Variants in HOPX observed in about 807,000 individuals in gnomAD.
HOPX encodes the protein HOP homeobox.
In HOPX, 5 loss-of-function variants were observed where a neutral mutation model predicts 11.8. The ratio of observed to expected loss-of-function variants is 0.43; its 90% CI spans 0.22 to 0.89. The LOEUF is 0.89. Ranked by LOEUF, HOPX falls within the 40% of genes least tolerant of loss-of-function variation. The pLI, the probability that HOPX is intolerant of heterozygous loss-of-function variation, is 0.28. For synonymous variants in HOPX, 49 were observed against 49.7 expected (o/e 0.99, Z 0.06); for missense variants, 119 against 120.0 (o/e 0.99, Z 0.04).
chr4:56,680,056 G>C (rs1719244950), intron 1 of HOPX: 1 of 152,124 alleles, frequency 6.6e-6, no homozygotes, highest in Non-Finnish European at 1.5e-5. Flanking sequence ...AGAAGTGCCT[G>C]CCACGTTGAA....
intron 3 of HOPX, among the ~76,000 whole-genome samples, chr4:56,655,177 TAA>T (rs1049649962): frequency 1.3e-5 from 2 of 152,184 alleles, no homozygotes; most frequent in Non-Finnish European, 2.9e-5. Context: ...TACCGTCTTA[TAA>T]AACGCCAGGA....
At position 56,661,360 on chromosome 4, in the gene HOPX, G is replaced by GAAACT. The variant is rs1718115248; in HGVS notation, c.-83-3462_-83-3461insAGTTT. Among the ~76,000 whole-genome samples the GAAACT allele has an allele frequency of 3.9e-5, 6 of 152,270 alleles. No individual in the cohort carries two copies. The South Asian group carries it at 1.0e-3, about 26-fold the overall frequency. The stretch of plus-strand genomic sequence containing the variant: ...TAGTAGATGTCTTTTCCTACTGGTG[G>GAAACT]ATATCTAGGTTGTTTCCAGATTTTT... On this transcript the variant is annotated intron_variant, in intron 1 of 3. Transcript: ENST00000420433.
At chr4:56,650,444 G>A in intron 3 of HOPX, 1 of 471,160 alleles carries the variant, frequency 2.1e-6, no homozygotes, top group South Asian at 2.8e-5. Flanking sequence ...AGCTGAAAGG[G>A]AATTCAGTAT....
intron 3 of HOPX, among the ~76,000 whole-genome samples, chr4:56,654,438 C>T (rs1717484046): frequency 6.6e-6 from 1 of 152,182 alleles, no homozygotes; most frequent in Non-Finnish European, 1.5e-5. Context: ...AAGTTGTCTC[C>T]ATGATCACTC....
At chr4:56,660,017 A>G (rs1406535764) in intron 1 of HOPX, among the ~76,000 whole-genome samples, 1 of 152,232 alleles carries the variant, frequency 6.6e-6, no homozygotes, top group Non-Finnish European at 1.5e-5. Flanking sequence ...TTCAGAAATG[A>G]AATAAAACCC....
intron 3 of HOPX, chr4:56,650,579 G>A (rs1560359591): frequency 7.7e-7 from 1 of 1,290,392 alleles, no homozygotes; most frequent in Admixed American, 2.1e-5. Flanking sequence ...CCACATCAAT[G>A]CTAAGCAGGC....
chr4:56,662,637 T>C (rs1718213310), intron 1 of HOPX: 1 of 152,124 alleles, frequency 6.6e-6, no homozygotes, highest in East Asian at 1.9e-4. Flanking sequence ...CCACCACACC[T>C]TGCTAATTTT....
At chr4:56,673,164 G>A (rs1389301649) in intron 1 of HOPX, among the ~76,000 whole-genome samples, 1 of 152,106 alleles carries the variant, frequency 6.6e-6, no homozygotes, top group Non-Finnish European at 1.5e-5. Flanking sequence ...CATTACTGCA[G>A]GAGTCAATAA....
chr4:56,668,620 G>A (rs1192305966), intron 1 of HOPX, among the ~76,000 whole-genome samples: 2 of 152,118 alleles, frequency 1.3e-5, no homozygotes, highest in Non-Finnish European at 2.9e-5. Flanking sequence ...GGCCTCAAGC[G>A]ATCCTTCCAA....
In HOPX at chr4:56,657,518, C is replaced by T. The variant is rs7664589; in HGVS notation, c.42+257G>A. Reference sequence around the variant, plus strand: ...GTCTTTACCTCTCCTTTGGGTCACTCTGAAGGGGCTTTCAGGCACAACGGG... The same window carrying T: ...GTCTTTACCTCTCCTTTGGGTCACTTTGAAGGGGCTTTCAGGCACAACGGG... On this transcript the variant is annotated intron_variant, in intron 2 of 3. Transcript: ENST00000420433. 0.52 allele frequency among the ~76,000 whole-genome samples: 79,407 copies of T among 151,974 alleles called. 21,779 individuals are homozygous for T. The highest frequency in any genetic ancestry group is 0.7 in the African/African-American group (28,893 of 41,456).
chr4:56,666,572 C>T (rs553927356), intron 1 of HOPX, among the ~76,000 whole-genome samples: 1 of 152,174 alleles, frequency 6.6e-6, no homozygotes, highest in African/African-American at 2.4e-5. Context: ...TAGCCCAATT[C>T]GTGTTCTAAT....
At chr4:56,669,191 C>T (rs147634804) in intron 1 of HOPX, among the ~76,000 whole-genome samples, 11 of 152,272 alleles carry the variant, frequency 7.2e-5, no homozygotes, top group African/African-American at 2.6e-4. Context: ...ATGTCGCTGA[C>T]TCAAGAAAGA....
At chr4:56,677,916 G>A (rs958470035) in intron 1 of HOPX, among the ~76,000 whole-genome samples, 6 of 151,650 alleles carry the variant, frequency 4.0e-5, no homozygotes, top group Non-Finnish European at 7.3e-5. Context: ...AGAGTGCCCA[G>A]TGTGTACACT....
chr4:56,680,051 T>C (rs1250098630), intron 1 of HOPX: 1 of 152,176 alleles, frequency 6.6e-6, no homozygotes, highest in Non-Finnish European at 1.5e-5. Flanking sequence ...GGCTAAGAAG[T>C]GCCTGCCACG....
intron 3 of HOPX, among the ~76,000 whole-genome samples, chr4:56,654,801 C>T (rs1395219665): frequency 6.6e-6 from 1 of 152,110 alleles, no homozygotes; most frequent in Non-Finnish European, 1.5e-5. Flanking sequence ...GGTGACAGGA[C>T]AAGTGCCTGA....
At chr4:56,649,521 C>T (rs1716945621) in intron 3 of HOPX, 1 of 152,196 alleles carries the variant, frequency 6.6e-6, no homozygotes, top group Non-Finnish European at 1.5e-5. Context: ...AGTAGGCCAG[C>T]CCAATCTATC....
At chr4:56,669,027 T>C (rs149991734) in intron 1 of HOPX, among the ~76,000 whole-genome samples, 11 of 152,366 alleles carry the variant, frequency 7.2e-5, no homozygotes, top group African/African-American at 2.6e-4. Flanking sequence ...TAAAACGGCA[T>C]ATGCATTTCC....
chr4:56,667,927 A>G (rs1023881752), intron 1 of HOPX, among the ~76,000 whole-genome samples: 1 of 151,366 alleles, frequency 6.6e-6, no homozygotes, highest in African/African-American at 2.4e-5. Context: ...GTACTGGTGT[A>G]ATTATTAATA....
intron 3 of HOPX, chr4:56,650,992 A>T (rs1717119444): frequency 3.9e-6 from 2 of 518,812 alleles, no homozygotes; most frequent in South Asian, 3.1e-5. Context: ...GGTTTCAAGG[A>T]TGCAAGGTCT....
Sources: gnomAD v4.1 joint callset for allele counts (sites outside exome capture counted in the v4.1 genomes callset) on GRCh38, gnomAD v4.1.1 for gene constraint, MANE v1.5 for transcripts, NCBI Gene and HGNC (gene_info 2026-07-23, HGNC 2026-07-21) for gene names.